Variants in DLGAP1 observed in about 807,000 individuals in gnomAD.
DLGAP1 encodes DLG associated protein 1, also known as disks large-associated protein 1.
Under a neutral mutation model 90.8 loss-of-function variants are expected in DLGAP1, and 11 were observed. That is an observed-to-expected ratio of 0.12 (90% CI 0.08 to 0.20). The LOEUF is 0.20. DLGAP1 is among the 10% of genes least tolerant of loss of function. The pLI is 1.00. For missense variants in DLGAP1, 1,050 were observed against 1,333.8 expected (o/e 0.79, Z 3.31); for synonymous variants, 558 against 540.7 (o/e 1.03, Z -0.44).
At chr18:3,726,768 A>C (rs2062197484) in intron 7 of DLGAP1, among the ~76,000 whole-genome samples, 1 of 152,204 alleles carries the variant, frequency 6.6e-6, no homozygotes, top group Non-Finnish European at 1.5e-5. Context: ...CACCAACCCC[A>C]GGGGCAAGTC....
At chr18:4,029,443 C>T (rs1333198361) in intron 2 of DLGAP1, among the ~76,000 whole-genome samples, 1 of 152,156 alleles carries the variant, frequency 6.6e-6, no homozygotes, top group Non-Finnish European at 1.5e-5. Context: ...AATGGCTCTA[C>T]TAATTTACCT....
chr18:4,340,127 C>T (rs996112431), intron 1 of DLGAP1, among the ~76,000 whole-genome samples: 3 of 151,966 alleles, frequency 2.0e-5, no homozygotes, highest in African/African-American at 7.3e-5. Flanking sequence ...AAAATAGGTA[C>T]AATAAGATAT....
At chr18:3,758,200 C>A (rs941476672) in intron 5 of DLGAP1, among the ~76,000 whole-genome samples, 1 of 151,660 alleles carries the variant, frequency 6.6e-6, no homozygotes, top group African/African-American at 2.4e-5. Flanking sequence ...CTAGCCAGTG[C>A]AAACAATTAA....
chr18:3,774,950 C>T (rs1463596240), intron 5 of DLGAP1, among the ~76,000 whole-genome samples: 3 of 152,102 alleles, frequency 2.0e-5, no homozygotes, highest in Admixed American at 2.0e-4. Flanking sequence ...GCCTACTGTC[C>T]CTTTCCTGCG....
chr18:4,380,195 C>T (rs886093964), intron 1 of DLGAP1, among the ~76,000 whole-genome samples: 4 of 152,132 alleles, frequency 2.6e-5, no homozygotes, highest in African/African-American at 7.2e-5. Flanking sequence ...CACAAACATA[C>T]ACTTCTTGAT....
At chr18:3,502,427 C>T (rs2049987567) in intron 12 of DLGAP1, 66 bp downstream of exon 12, 1 of 1,606,226 alleles carries the variant, frequency 6.2e-7, no homozygotes, top group Non-Finnish European at 8.5e-7. Context: ...ATGCAGAAGC[C>T]TATTTAGACT....
chr18:4,057,084 C>T (rs1423958205), intron 2 of DLGAP1, among the ~76,000 whole-genome samples: 3 of 149,292 alleles, frequency 2.0e-5, no homozygotes, highest in Admixed American at 6.7e-5. Flanking sequence ...GTTAGACAGA[C>T]ATGAGCAGGG....
intron 7 of DLGAP1, among the ~76,000 whole-genome samples, chr18:3,673,574 G>C (rs1294345614): frequency 2.0e-5 from 3 of 152,134 alleles, no homozygotes; most frequent in Non-Finnish European, 1.5e-5. Context: ...TTTGGATGGA[G>C]TCTCACTCTT....
intron 1 of DLGAP1, among the ~76,000 whole-genome samples, chr18:4,278,646 T>C (rs1223252121): frequency 6.6e-6 from 1 of 152,068 alleles, no homozygotes; most frequent in Non-Finnish European, 1.5e-5. Flanking sequence ...TAGTATTCCA[T>C]GGTGTGTGTG....
intron 1 of DLGAP1, among the ~76,000 whole-genome samples, chr18:4,284,411 C>T (rs2079632115): frequency 6.6e-6 from 1 of 152,052 alleles, no homozygotes; most frequent in Admixed American, 6.6e-5. Flanking sequence ...AACGCTTTAT[C>T]CCATCAAAGG....
intron 1 of DLGAP1, among the ~76,000 whole-genome samples, chr18:4,403,706 A>T (rs1010119416): frequency 6.6e-6 from 1 of 152,204 alleles, no homozygotes; most frequent in Non-Finnish European, 1.5e-5. Context: ...ATAATTATTT[A>T]AAAGGCTGAG....
At chr18:3,904,053 C>T (rs1364728624) in intron 3 of DLGAP1, among the ~76,000 whole-genome samples, 3 of 152,186 alleles carry the variant, frequency 2.0e-5, no homozygotes, top group Non-Finnish European at 4.4e-5. Context: ...AATTTTCCTT[C>T]CTGACCCTAG....
intron 3 of DLGAP1, among the ~76,000 whole-genome samples, chr18:3,932,246 G>A (rs1411315682): frequency 6.6e-6 from 1 of 152,150 alleles, no homozygotes; most frequent in Non-Finnish European, 1.5e-5. Context: ...GAGGTTGGTA[G>A]GTGAGTACAC....
chr18:4,355,926 C>G lies in DLGAP1; in HGVS notation c.-267+99080G>C, dbSNP rs149767003. On this transcript the variant is annotated intron_variant, in intron 1 of 12. Transcript: ENST00000315677. ...TTTATCTACTTGTTGCCTTTAATAC[C>G]TCTCCTATGCTATCTTGCATCTGCT... is the stretch of plus-strand genomic sequence containing the variant. Among the ~76,000 whole-genome samples, 48 of 145,146 alleles carry G rather than the reference C, an allele frequency of 3.3e-4. No homozygotes were observed. The East Asian group carries it at 8.5e-3, about 26-fold the overall frequency.
chr18:4,270,459 TTGAG>T (rs2079251472), intron 1 of DLGAP1, among the ~76,000 whole-genome samples: 1 of 152,202 alleles, frequency 6.6e-6, no homozygotes, highest in Non-Finnish European at 1.5e-5. Context: ...ACTTTAAAAC[TTGAG>T]TAAGTAACTT....
chr18:3,714,678 C>T, intron 7 of DLGAP1, among the ~76,000 whole-genome samples: 1 of 132,474 alleles, frequency 7.5e-6, no homozygotes, highest in Non-Finnish European at 1.5e-5. Flanking sequence ...GGGAGTCTCG[C>T]TCTGTCATGC....
In DLGAP1 at chr18:4,344,484, C is replaced by A. The variant is rs73941441; in HGVS notation, c.-267+110522G>T. On this transcript the variant is annotated intron_variant, in intron 1 of 12. Coordinates refer to ENST00000315677, the MANE Select transcript of DLGAP1 (RefSeq NM_004746.4). ...ACTATAATTTGCTATGTGAGATTAACGAAAATTCAACATAGTAGAAGAGTT... is the reference window on the plus strand; with the variant it reads ...ACTATAATTTGCTATGTGAGATTAAAGAAAATTCAACATAGTAGAAGAGTT... Among the ~76,000 whole-genome samples, 973 of 152,168 alleles carry A rather than the reference C, an allele frequency of 6.4e-3. 9 individuals are homozygous for A. Among genetic ancestry groups the A allele is most frequent in the African/African-American group, 0.021 (867 of 41,524 alleles).
In DLGAP1 at chr18:3,910,525, C is replaced by G. The variant is rs140170692; in HGVS notation, c.-72-30385G>C. 5.0e-3 allele frequency among the ~76,000 whole-genome samples: 763 copies of G among 152,236 alleles called. 6 individuals carry two copies. Among genetic ancestry groups the G allele is most frequent in the African/African-American group, 0.017 (711 of 41,542 alleles). On this transcript the variant is annotated intron_variant, in intron 3 of 12. Transcript: ENST00000315677. ...AAATTCAAATTCAATAGCCATTTAG[C>G]TAGGACAAAACAGAAACATTTGGGT...
chr18:3,558,743 A>G (rs889956766), intron 9 of DLGAP1, among the ~76,000 whole-genome samples: 1 of 152,062 alleles, frequency 6.6e-6, no homozygotes, highest in Admixed American at 6.6e-5. Flanking sequence ...TTACTTTTCA[A>G]TCTATATCTG....
Sources: gnomAD v4.1 joint callset for allele counts (sites outside exome capture counted in the v4.1 genomes callset) on GRCh38, gnomAD v4.1.1 for gene constraint, MANE v1.5 for transcripts, NCBI Gene and HGNC (gene_info 2026-07-23, HGNC 2026-07-21) for gene names.